Variants in DCDC2 observed in about 807,000 individuals in gnomAD.
DCDC2 encodes the protein doublecortin domain containing 2, also known as doublecortin domain-containing protein 2.
In DCDC2, 40 loss-of-function variants were observed where a neutral mutation model predicts 50.2. The ratio of observed to expected loss-of-function variants is 0.80; its 90% confidence interval spans 0.62 to 1.04. The LOEUF is 1.04. Among genes scored for constraint, DCDC2 ranks in the 50% least tolerant of loss-of-function variants. DCDC2 has a pLI of 0.00. For missense variants in DCDC2, 570 were observed against 581.9 expected (o/e 0.98, Z 0.21); for synonymous variants, 234 against 210.6 (o/e 1.11, Z -0.96).
At chr6:24,223,380 G>A (rs1464966248) in intron 7 of DCDC2, among the ~76,000 whole-genome samples, 1 of 152,184 alleles carries the variant, frequency 6.6e-6, no homozygotes, top group East Asian at 1.9e-4. Context: ...CTAACTCTAC[G>A]CAAACATGAA....
chr6:24,263,399 G>A lies in DCDC2; in HGVS notation c.922+14650C>T, dbSNP rs187760049. On this transcript the variant is annotated intron_variant, in intron 7 of 9. Transcript: ENST00000378454. ...GACCTCACCAAATAAACTAAATAAGGCACCAGTGACAATCCCAGAGTGATA... is the reference window on the plus strand; with the variant it reads ...GACCTCACCAAATAAACTAAATAAGACACCAGTGACAATCCCAGAGTGATA... Among the ~76,000 whole-genome samples the A allele has an allele frequency of 2.0e-5, 3 of 152,002 alleles. No homozygotes were observed. The East Asian group carries it at 5.8e-4, about 29-fold the overall frequency.
At chr6:24,341,008 G>GA (rs1760143941) in intron 2 of DCDC2, among the ~76,000 whole-genome samples, 1 of 152,244 alleles carries the variant, frequency 6.6e-6, no homozygotes, top group South Asian at 2.1e-4. Context: ...TGACAGGCGT[G>GA]AGCCATGGAA....
chr6:24,223,360 G>A (rs1031417870), intron 7 of DCDC2, among the ~76,000 whole-genome samples: 1 of 152,206 alleles, frequency 6.6e-6, no homozygotes, highest in African/African-American at 2.4e-5. Flanking sequence ...CTGTACACGA[G>A]TGAGTGAGGC....
chr6:24,178,380 C>T lies in DCDC2; in HGVS notation c.1276G>A (p.Val426Ile), dbSNP rs1405128595. The T allele has an allele frequency of 6.2e-7, 1 of 1,614,136 alleles. No individual in the cohort carries two copies. Among genetic ancestry groups the T allele is most frequent in the Non-Finnish European group, 8.5e-7 (1 of 1,180,022 alleles). ...LQQVNNELQLVLDKERKSQGA... is the reference protein window; with the variant it reads ...LQQVNNELQLILDKERKSQGA... ...TGAGACTTTCTTTCCTTGTCTAGGA[C>T]CAGTTGAAGCTCATTATTAACCTGC... Residue 426 changes from valine (V) to isoleucine (I), a missense_variant, in exon 9 of 10, where the codon GTC becomes ATC. By Grantham distance (29) the Val-to-Ile change is conservative (BLOSUM62 3). Transcript: ENST00000378454.
chr6:24,299,793 C>T (rs1759333394), intron 4 of DCDC2, among the ~76,000 whole-genome samples: 1 of 151,970 alleles, frequency 6.6e-6, no homozygotes, highest in Non-Finnish European at 1.5e-5. Flanking sequence ...GTGGCAGGCG[C>T]CTGTAATCCC....
chr6:24,186,246 G>C (rs1761200379), intron 8 of DCDC2, among the ~76,000 whole-genome samples: 1 of 152,250 alleles, frequency 6.6e-6, no homozygotes. Context: ...GCAGTAGCCA[G>C]TTATGGATGT....
At chr6:24,192,265 A>G (rs1395978857) in intron 8 of DCDC2, among the ~76,000 whole-genome samples, 3 of 152,216 alleles carry the variant, frequency 2.0e-5, no homozygotes, top group African/African-American at 7.2e-5. Flanking sequence ...ACAAGGCAAA[A>G]GACTGAAAGA....
At chr6:24,313,235 A>C (rs1390907914) in intron 2 of DCDC2, among the ~76,000 whole-genome samples, 2 of 152,214 alleles carry the variant, frequency 1.3e-5, no homozygotes, top group African/African-American at 4.8e-5. Context: ...AATACTTGTT[A>C]AGGTATTCAC....
chr6:24,189,830 A>G (rs1761275758), intron 8 of DCDC2, among the ~76,000 whole-genome samples: 1 of 152,148 alleles, frequency 6.6e-6, no homozygotes, highest in African/African-American at 2.4e-5. Context: ...AATTTGGGAA[A>G]GTGTGTGGAT....
intron 7 of DCDC2, among the ~76,000 whole-genome samples, chr6:24,270,003 A>C (rs1380264044): frequency 1.3e-5 from 2 of 152,058 alleles, no homozygotes; most frequent in African/African-American, 4.8e-5. Flanking sequence ...TGGAGAGTAG[A>C]AGAAGAAACA....
rs1345269750 is a variant in DCDC2 at position 24,357,445 on chromosome 6, G to A, written c.293+13C>T. On this transcript the variant is annotated intron_variant, in intron 1 of 9. Coordinates refer to ENST00000378454, the MANE Select transcript of DCDC2 (RefSeq NM_016356.5). ...GCACCTAAATGGGTGGGCGGTGGGG[G>A]AGACCGACTCACTTGAGTTTCTTGA... 1 of 1,585,578 alleles carries A rather than the reference G, an allele frequency of 6.3e-7. No individual in the cohort carries two copies. Among genetic ancestry groups the A allele is most frequent in the Non-Finnish European group, 8.6e-7 (1 of 1,164,578 alleles).
intron 7 of DCDC2, among the ~76,000 whole-genome samples, chr6:24,246,006 A>T (rs796573928): frequency 4.6e-4 from 70 of 152,132 alleles, no homozygotes; most frequent in African/African-American, 1.6e-3. Flanking sequence ...TTTTATTTTT[A>T]TTTATTTATT....
intron 8 of DCDC2, among the ~76,000 whole-genome samples, chr6:24,196,083 C>G (rs142246350): frequency 6.6e-6 from 1 of 152,192 alleles, no homozygotes; most frequent in Non-Finnish European, 1.5e-5. Flanking sequence ...GACAGGAAAA[C>G]AGTCCAAAGA....
chr6:24,178,036 G>A (rs1760964572), intron 9 of DCDC2, among the ~76,000 whole-genome samples: 1 of 152,104 alleles, frequency 6.6e-6, no homozygotes. Context: ...TATGTTCTTA[G>A]AAGGCTCTGT....
At chr6:24,326,166 A>AAAGAGAGGAAGGAAAGG (rs1561775650) in intron 2 of DCDC2, among the ~76,000 whole-genome samples, 2 of 127,134 alleles carry the variant, frequency 1.6e-5, no homozygotes, top group Non-Finnish European at 3.4e-5. Context: ...GAGAGGAAGG[A>AAAGAGAGGAAGGAAAGG]AAGGAAGGAA....
At chr6:24,306,567 C>CAGAA (rs1759480363) in intron 2 of DCDC2, among the ~76,000 whole-genome samples, 1 of 150,070 alleles carries the variant, frequency 6.7e-6, no homozygotes, top group Non-Finnish European at 1.5e-5. Flanking sequence ...GACAGACAGA[C>CAGAA]AGACAGACAA....
intron 7 of DCDC2, among the ~76,000 whole-genome samples, chr6:24,244,740 G>T (rs1283423160): frequency 6.6e-6 from 1 of 152,290 alleles, no homozygotes; most frequent in East Asian, 1.9e-4. Context: ...CCCTGGCAGT[G>T]GTCTGTGTTC....
intron 7 of DCDC2, among the ~76,000 whole-genome samples, chr6:24,235,394 CTCAGCAAAATACTAACAAACCAAA>C (rs1762422769): frequency 6.6e-6 from 1 of 152,164 alleles, no homozygotes; most frequent in Non-Finnish European, 1.5e-5. Flanking sequence ...TGTAAAAGTT[CTCAGCAAAATACTAACAAACCAAA>C]TCCAGCAGCA....
chr6:24,192,153 G>C (rs1036653630), intron 8 of DCDC2, among the ~76,000 whole-genome samples: 1 of 152,160 alleles, frequency 6.6e-6, no homozygotes, highest in Non-Finnish European at 1.5e-5. Context: ...CTCAAGTATA[G>C]CTCAGAACAA....
Sources: allele counts gnomAD v4.1 joint callset (sites outside exome capture counted in the v4.1 genomes callset), GRCh38; gene constraint gnomAD v4.1.1; transcripts MANE v1.5; gene names NCBI Gene and HGNC (gene_info 2026-07-23, HGNC 2026-07-21).